Variants in TRAPPC9 observed in about 807,000 individuals in gnomAD.
TRAPPC9 encodes trafficking protein particle complex subunit 9.
TRAPPC9 carries 83 observed loss-of-function variants against 124.0 expected under a neutral mutation model. That is an observed-to-expected ratio of 0.67 (90% CI 0.56 to 0.80). The LOEUF (loss-of-function observed/expected upper bound fraction) is 0.80, where lower values mean the gene tolerates loss of function less well. Among genes scored for constraint, TRAPPC9 ranks in the 30% least tolerant of loss-of-function variants. The pLI is 0.00. For missense variants in TRAPPC9, 1,302 were observed against 1,508.3 expected (o/e 0.86, Z 2.27); for synonymous variants, 638 against 617.5 (o/e 1.03, Z -0.49).
chr8:139,989,438 A>G (rs1319671038), intron 18 of TRAPPC9, among the ~76,000 whole-genome samples: 1 of 152,222 alleles, frequency 6.6e-6, no homozygotes, highest in Non-Finnish European at 1.5e-5. Flanking sequence ...TCCAGAGGTG[A>G]CAAGTAAAAT....
At chr8:139,952,445 C>T (rs760235646) in intron 19 of TRAPPC9, among the ~76,000 whole-genome samples, 2 of 152,142 alleles carry the variant, frequency 1.3e-5, no homozygotes, top group Non-Finnish European at 2.9e-5. Context: ...TTTCACGGAA[C>T]TTTTAAGGAA....
intron 17 of TRAPPC9, among the ~76,000 whole-genome samples, chr8:140,163,001 G>T (rs777552554): frequency 2.0e-5 from 3 of 151,946 alleles, no homozygotes; most frequent in Non-Finnish European, 4.4e-5. Context: ...CAAAAAAAAA[G>T]AAATTATTAC....
chr8:140,102,075 T>A (rs568230533), intron 17 of TRAPPC9, among the ~76,000 whole-genome samples: 1 of 152,318 alleles, frequency 6.6e-6, no homozygotes, highest in East Asian at 1.9e-4. Context: ...TATGCTGTTT[T>A]GTTGGTTTGT....
At chr8:139,755,729 T>A (rs1212296633) in intron 21 of TRAPPC9, among the ~76,000 whole-genome samples, 199 of 111,700 alleles carry the variant, frequency 1.8e-3, no homozygotes, top group Non-Finnish European at 3.1e-3. Context: ...GGAGCCAGGG[T>A]TTGGGGATGA....
rs542817872 is a variant in TRAPPC9 at position 140,018,973 on chromosome 8, A to G, written c.2699+4964T>C. On this transcript the variant is annotated intron_variant, in intron 18 of 22. Coordinates refer to ENST00000438773, the MANE Select transcript of TRAPPC9 (RefSeq NM_001160372.4). ...TAGATGGCCTTTGTCAGACTGAGGA[A>G]GTTCTCTTCTAATCCTAGTGTACTG... 2.6e-4 allele frequency among the ~76,000 whole-genome samples: 40 copies of G among 152,344 alleles called. No individual in the cohort carries two copies. In the South Asian group the frequency reaches 3.9e-3, roughly 15 times the overall value.
intron 5 of TRAPPC9, among the ~76,000 whole-genome samples, chr8:140,408,139 C>G (rs190699220): frequency 6.6e-6 from 1 of 152,032 alleles, no homozygotes; most frequent in Non-Finnish European, 1.5e-5. Flanking sequence ...TGTGACAGCC[C>G]GTATGAGATG....
intron 19 of TRAPPC9, among the ~76,000 whole-genome samples, chr8:139,977,400 T>C (rs1422966021): frequency 6.6e-6 from 1 of 151,858 alleles, no homozygotes; most frequent in Non-Finnish European, 1.5e-5. Context: ...GGCGGGTGGA[T>C]CACGAGGTCA....
At chr8:140,394,447 T>C (rs1020351132) in intron 7 of TRAPPC9, among the ~76,000 whole-genome samples, 1 of 152,190 alleles carries the variant, frequency 6.6e-6, no homozygotes, top group Non-Finnish European at 1.5e-5. Flanking sequence ...CACATGAACT[T>C]GTTATCCTGT....
At chr8:139,949,521 A>G (rs1265437222) in intron 19 of TRAPPC9, among the ~76,000 whole-genome samples, 1 of 152,236 alleles carries the variant, frequency 6.6e-6, no homozygotes, top group African/African-American at 2.4e-5. Flanking sequence ...AAACCACTAA[A>G]TAAAATGTGC....
At chr8:140,260,529 TA>T (rs1286013226) in intron 15 of TRAPPC9, among the ~76,000 whole-genome samples, 1 of 152,210 alleles carries the variant, frequency 6.6e-6, no homozygotes, top group Non-Finnish European at 1.5e-5. Flanking sequence ...TTGCCCAGGC[TA>T]ATGAAAACCA....
rs552805031 is a variant in TRAPPC9, at chr8:139,861,379, T to C, written c.3055+24500A>G. ...AGCCAGAGTGGTGGGGTGAGTAGTC[T>C]GGTGGGAAGGACACTTAGGAACAGG... On this transcript the variant is annotated intron_variant, in intron 21 of 22. Coordinates refer to ENST00000438773, the MANE Select transcript of TRAPPC9 (RefSeq NM_001160372.4). 3.9e-5 allele frequency among the ~76,000 whole-genome samples: 6 copies of C among 152,226 alleles called. No individual in the cohort carries two copies. In the East Asian group the frequency reaches 9.7e-4, roughly 25 times the overall value.
chr8:140,126,103 G>T (rs2061092110), intron 17 of TRAPPC9, among the ~76,000 whole-genome samples: 1 of 152,070 alleles, frequency 6.6e-6, no homozygotes, highest in Non-Finnish European at 1.5e-5. Context: ...CAATTCAAAT[G>T]AGGGCATTTT....
intron 19 of TRAPPC9, among the ~76,000 whole-genome samples, chr8:139,965,014 G>C (rs1450139784): frequency 6.6e-6 from 1 of 152,146 alleles, no homozygotes; most frequent in Non-Finnish European, 1.5e-5. Flanking sequence ...GTGCTGAACT[G>C]TCCTCAGCTG....
chr8:140,140,348 C>T (rs1254099061), intron 17 of TRAPPC9, among the ~76,000 whole-genome samples: 1 of 152,064 alleles, frequency 6.6e-6, no homozygotes, highest in Non-Finnish European at 1.5e-5. Flanking sequence ...GCATGTCCTC[C>T]GATTAAGTGA....
chr8:140,444,519 TAGA>T (rs887247466), intron 2 of TRAPPC9, among the ~76,000 whole-genome samples: 3 of 152,010 alleles, frequency 2.0e-5, no homozygotes. Context: ...CCAGTACCTT[TAGA>T]AGAAGTGGCA....
At chr8:140,264,087 A>T (rs2064529695) in intron 15 of TRAPPC9, among the ~76,000 whole-genome samples, 1 of 152,220 alleles carries the variant, frequency 6.6e-6, no homozygotes, top group African/African-American at 2.4e-5. Context: ...TATTTTTAAG[A>T]AAAGAATTAT....
chr8:140,132,118 C>G (rs1307085177), intron 17 of TRAPPC9, among the ~76,000 whole-genome samples: 2 of 152,178 alleles, frequency 1.3e-5, no homozygotes, highest in Non-Finnish European at 2.9e-5. Context: ...CAGCCATCCC[C>G]AATCAAGACC....
At chr8:140,448,293 G>A (rs529603178) in intron 2 of TRAPPC9, among the ~76,000 whole-genome samples, 2 of 152,280 alleles carry the variant, frequency 1.3e-5, no homozygotes, top group Admixed American at 6.5e-5. Flanking sequence ...GTCTAATTGC[G>A]GCTGTCCCAC....
chr8:140,065,574 A>G (rs1842860852), intron 17 of TRAPPC9, among the ~76,000 whole-genome samples: 1 of 152,224 alleles, frequency 6.6e-6, no homozygotes, highest in Non-Finnish European at 1.5e-5. Flanking sequence ...CTCATTTCCC[A>G]TTCTGAAAAT....
Sources: gnomAD v4.1 joint callset for allele counts (sites outside exome capture counted in the v4.1 genomes callset) on GRCh38, gnomAD v4.1.1 for gene constraint, MANE v1.5 for transcripts, NCBI Gene and HGNC (gene_info 2026-07-23, HGNC 2026-07-21) for gene names.